ADAMTS3: variants seen among roughly 807,000 people sequenced by gnomAD.
ADAMTS3 encodes A disintegrin and metalloproteinase with thrombospondin motifs 3.
Under a neutral mutation model 129.0 loss-of-function variants are expected in ADAMTS3, and 73 were observed. That is an observed-to-expected ratio of 0.57 (90% CI 0.47 to 0.69). The LOEUF (loss-of-function observed/expected upper bound fraction) is 0.69. Among genes scored for constraint, ADAMTS3 ranks in the 30% least tolerant of loss-of-function variants. The pLI, the probability that ADAMTS3 is intolerant of heterozygous loss-of-function variation, is 0.00. For missense variants in ADAMTS3, 1,457 were observed against 1,514.5 expected (o/e 0.96, Z 0.63); for synonymous variants, 477 against 510.8 (o/e 0.93, Z 0.89).
In ADAMTS3 at chr4:72,283,135, C is replaced by T. The variant is rs1434771699; in HGVS notation, c.*1G>A. 2 of 1,590,426 alleles carry T rather than the reference C, an allele frequency of 1.3e-6. No individual in the cohort carries two copies. Among genetic ancestry groups the T allele is most frequent in the East Asian group, 2.2e-5 (1 of 44,632 alleles). The stretch of plus-strand genomic sequence containing the variant: ...GTTTCTAGCCTTTTTGGTTCACTTT[C>T]TCATCTTTCTAAGGTGGATGATCTT... On this transcript the variant is annotated 3_prime_UTR_variant, in exon 22 of 22. Coordinates refer to ENST00000286657, the MANE Select transcript of ADAMTS3 (RefSeq NM_014243.3).
At chr4:72,457,575 A>C (rs186825565) in intron 3 of ADAMTS3, among the ~76,000 whole-genome samples, 1 of 151,796 alleles carries the variant, frequency 6.6e-6, no homozygotes, top group African/African-American at 2.4e-5. Context: ...TGTTACCAAT[A>C]AACAAACATT....
intron 10 of ADAMTS3, among the ~76,000 whole-genome samples, chr4:72,316,215 A>G (rs1211389442): frequency 3.3e-5 from 5 of 152,170 alleles, no homozygotes; most frequent in Admixed American, 1.3e-4. Context: ...TTGACTTTTA[A>G]GGTTTTTGCT....
chr4:72,440,530 A>C (rs1718085081), intron 3 of ADAMTS3, among the ~76,000 whole-genome samples: 2 of 151,792 alleles, frequency 1.3e-5, no homozygotes, highest in African/African-American at 4.8e-5. Flanking sequence ...GCCCAAAACC[A>C]CTTCATCTCT....
At chr4:72,330,305 G>A (rs1218867177) in intron 5 of ADAMTS3, among the ~76,000 whole-genome samples, 1 of 152,028 alleles carries the variant, frequency 6.6e-6, no homozygotes, top group Non-Finnish European at 1.5e-5. Context: ...AGGCATGAAT[G>A]AGCCACCATG....
chr4:72,552,921 T>A (rs945285183), intron 2 of ADAMTS3, among the ~76,000 whole-genome samples: 5 of 152,238 alleles, frequency 3.3e-5, no homozygotes, highest in African/African-American at 7.2e-5. Flanking sequence ...TTTATTTATA[T>A]ATTCTTATAT....
Position 72,305,990 on chromosome 4 carries a change from G to C in ADAMTS3, c.2257C>G (p.Leu753Val). 1.9e-6 allele frequency: 3 copies of C among 1,610,582 alleles called. No individual in the cohort carries two copies. Among genetic ancestry groups the C allele is most frequent in the Non-Finnish European group, 2.5e-6 (3 of 1,178,206 alleles). ...IQEDEASPHI[L>V]AIKNQATGHY... ...GACAGCAGACAGAAACACTTACCAA[G>C]AATATGAGGAGAAGCCTCGTCTTCT... is the stretch of plus-strand genomic sequence containing the variant. Residue 753 changes from leucine (L) to valine (V), a missense_variant, in exon 16 of 22, where the codon CTT becomes GTT. Physicochemically the swap from Leu to Val is conservative, Grantham distance 32 (BLOSUM62 1). Coordinates refer to ENST00000286657, the MANE Select transcript of ADAMTS3 (RefSeq NM_014243.3).
intron 2 of ADAMTS3, among the ~76,000 whole-genome samples, chr4:72,555,589 C>CTG (rs1560566209): frequency 2.0e-5 from 3 of 151,840 alleles, no homozygotes; most frequent in Non-Finnish European, 4.4e-5. Flanking sequence ...AAAAATCTCT[C>CTG]TGGGAGAAGA....
In ADAMTS3 at chr4:72,353,416, C is replaced by T. The variant is rs563626209; in HGVS notation, c.662-13723G>A. On this transcript the variant is annotated intron_variant, in intron 4 of 21. Coordinates refer to ENST00000286657, the MANE Select transcript of ADAMTS3 (RefSeq NM_014243.3). ...TATGGTTATGGAGACACTGTAAAAA[C>T]AGTGGCTTTCTGTAGCAGGGTCCTA... Among the ~76,000 whole-genome samples the T allele has an allele frequency of 5.3e-5, 8 of 152,114 alleles. No individual in the cohort carries two copies. The South Asian group carries it at 1.7e-3, about 32-fold the overall frequency.
intron 4 of ADAMTS3, among the ~76,000 whole-genome samples, chr4:72,369,029 T>G (rs1720938510): frequency 6.6e-6 from 1 of 152,202 alleles, no homozygotes; most frequent in Non-Finnish European, 1.5e-5. Context: ...GAGTATATTC[T>G]GTGTTCTCAC....
rs972068385 is a variant in ADAMTS3 at position 72,319,243 on chromosome 4, G to A, written c.1352+89C>T. The A allele has an allele frequency of 6.8e-6, 10 of 1,474,426 alleles. No individual in the cohort carries two copies. In the East Asian group the frequency reaches 2.1e-4, roughly 31 times the overall value. 91.3% of individuals were successfully genotyped at this position (1,474,426 alleles called of 1,614,324 possible). ...ATCAGTAATAGTTTTCATTTACTGG[G>A]AATTTTGCTATGATCAAGTCCTAAG... On this transcript the variant is annotated intron_variant, in intron 9 of 21. Coordinates refer to ENST00000286657, the MANE Select transcript of ADAMTS3 (RefSeq NM_014243.3).
chr4:72,421,250 T>C (rs1722437583), intron 3 of ADAMTS3, among the ~76,000 whole-genome samples: 1 of 152,356 alleles, frequency 6.6e-6, no homozygotes, highest in Middle Eastern at 3.4e-3. Context: ...CCCACTTATA[T>C]CAATTAGCAT....
intron 4 of ADAMTS3, among the ~76,000 whole-genome samples, chr4:72,364,618 A>G (rs1378165455): frequency 6.6e-6 from 1 of 152,118 alleles, no homozygotes; most frequent in Non-Finnish European, 1.5e-5. Context: ...CGTTTAAAAA[A>G]AAAAAAAAAT....
chr4:72,316,667 G>C (rs1719404946), intron 10 of ADAMTS3, among the ~76,000 whole-genome samples: 1 of 151,218 alleles, frequency 6.6e-6, no homozygotes, highest in Non-Finnish European at 1.5e-5. Flanking sequence ...TCCAGCCTGA[G>C]TGACAACAGT....
At chr4:72,501,702 G>C (rs988019840) in intron 3 of ADAMTS3, among the ~76,000 whole-genome samples, 1 of 152,136 alleles carries the variant, frequency 6.6e-6, no homozygotes, top group African/African-American at 2.4e-5. Context: ...CAAGGGGAAT[G>C]CTTCCAGTTC....
At chr4:72,379,274 C>A (rs1294672211) in intron 4 of ADAMTS3, among the ~76,000 whole-genome samples, 1 of 152,090 alleles carries the variant, frequency 6.6e-6, no homozygotes, top group African/African-American at 2.4e-5. Flanking sequence ...AAATTTTGCT[C>A]AACAGAACTC....
At chr4:72,535,595 C>T (rs1310101742) in intron 3 of ADAMTS3, among the ~76,000 whole-genome samples, 1 of 152,104 alleles carries the variant, frequency 6.6e-6, no homozygotes, top group Admixed American at 6.6e-5. Flanking sequence ...TTTGATAATG[C>T]TATTCAAGTC....
chr4:72,369,694 G>C (rs1720955952), intron 4 of ADAMTS3, among the ~76,000 whole-genome samples: 3 of 147,380 alleles, frequency 2.0e-5, no homozygotes, highest in African/African-American at 7.6e-5. Flanking sequence ...CTGGGCGATA[G>C]AGTGAGACTC....
chr4:72,539,152 A>C (rs1031444812), intron 3 of ADAMTS3, among the ~76,000 whole-genome samples: 2 of 152,298 alleles, frequency 1.3e-5, no homozygotes, highest in Admixed American at 6.5e-5. Flanking sequence ...AAAAGAAAAA[A>C]TAAATTGGAC....
intron 4 of ADAMTS3, among the ~76,000 whole-genome samples, chr4:72,379,448 A>C (rs1393919110): frequency 6.6e-6 from 1 of 152,124 alleles, no homozygotes; most frequent in East Asian, 1.9e-4. Flanking sequence ...AAAAAAAAAA[A>C]AAAAACCCAT....
Sources: allele counts gnomAD v4.1 joint callset (sites outside exome capture counted in the v4.1 genomes callset), GRCh38; gene constraint gnomAD v4.1.1; transcripts MANE v1.5; gene names NCBI Gene and HGNC (gene_info 2026-07-23, HGNC 2026-07-21).